VIT: variants seen among roughly 807,000 people sequenced by gnomAD.
The protein encoded by VIT is vitrin.
Under a neutral mutation model 78.0 loss-of-function variants are expected in VIT, and 99 were observed. The ratio of observed to expected loss-of-function variants is 1.27; its 90% CI spans 1.08 to 1.50. The LOEUF (loss-of-function observed/expected upper bound fraction) is 1.50. Ranked by LOEUF, VIT falls within the 40% of genes most tolerant of loss-of-function variation. The pLI, the probability that VIT is intolerant of heterozygous loss-of-function variation, is 0.00. For missense variants in VIT, 1,126 were observed against 875.3 expected (o/e 1.29, Z -3.61); for synonymous variants, 374 against 334.3 (o/e 1.12, Z -1.29).
rs1013648620 is a variant in VIT, at chr2:36,715,546, T to TA, written c.-18-795dup. Among the ~76,000 whole-genome samples the TA allele has an allele frequency of 7.2e-4, 97 of 134,680 alleles. 1 individual carries two copies. The highest frequency in any genetic ancestry group is 3.6e-3 in the Middle Eastern group (1 of 274). The allele number at this position is 134,680 out of a possible 152,430, so 88.4% of individuals were successfully genotyped here. On this transcript the variant is annotated intron_variant, in intron 1 of 15. Coordinates refer to ENST00000379242, the MANE Select transcript of VIT (RefSeq NM_053276.4). ...GTGAGACTACGTCTAAAAAAAAAAA[T>TA]AAAAAAAAAAAAGATTTAAGAAGCC... is the stretch of plus-strand genomic sequence containing the variant.
At chr2:36,701,242 T>C (rs917159324) in intron 1 of VIT, among the ~76,000 whole-genome samples, 5 of 152,128 alleles carry the variant, frequency 3.3e-5, no homozygotes, top group Admixed American at 1.3e-4. Flanking sequence ...GATAATCTCC[T>C]TTTTGGGTGG....
chr2:36,751,255 G>T (rs1558538768), intron 4 of VIT, among the ~76,000 whole-genome samples: 1 of 152,200 alleles, frequency 6.6e-6, no homozygotes, highest in Non-Finnish European at 1.5e-5. Context: ...AATCAGCTGG[G>T]TGTGGTGGTG....
chr2:36,796,373 C>T (rs979317200), intron 12 of VIT, among the ~76,000 whole-genome samples: 1 of 152,162 alleles, frequency 6.6e-6, no homozygotes, highest in Non-Finnish European at 1.5e-5. Context: ...AGGAACCAAA[C>T]CTTGTATTTC....
At chr2:36,757,594 C>A (rs1008824749) in intron 5 of VIT, among the ~76,000 whole-genome samples, 9 of 152,230 alleles carry the variant, frequency 5.9e-5, no homozygotes, top group African/African-American at 1.9e-4. Context: ...TCATTTGGAG[C>A]AGGCCTTGAC....
At chr2:36,761,795 C>T (rs942181635) in intron 6 of VIT, among the ~76,000 whole-genome samples, 2 of 151,996 alleles carry the variant, frequency 1.3e-5, no homozygotes, top group African/African-American at 4.8e-5. Context: ...AGCTTTGGGC[C>T]GTATCTGGAC....
At chr2:36,701,327 C>T (rs1299809697) in intron 1 of VIT, among the ~76,000 whole-genome samples, 2 of 152,104 alleles carry the variant, frequency 1.3e-5, no homozygotes, top group African/African-American at 4.8e-5. Flanking sequence ...TCATGAAACC[C>T]TCTGTGTAGC....
At chr2:36,808,286 T>C (rs1226796028) in intron 14 of VIT, among the ~76,000 whole-genome samples, 186 bp from the exon 15 acceptor site, 1 of 152,210 alleles carries the variant, frequency 6.6e-6, no homozygotes, top group South Asian at 2.1e-4. Flanking sequence ...AGTCCAGCGA[T>C]AACCCGGGGG....
intron 1 of VIT, among the ~76,000 whole-genome samples, chr2:36,708,754 C>A (rs1311387108): frequency 6.6e-6 from 1 of 152,184 alleles, no homozygotes; most frequent in Admixed American, 6.5e-5. Context: ...CCAGTCCCCA[C>A]GTTTCAGGCG....
chr2:36,754,573 A>C (rs1241095872), intron 4 of VIT, among the ~76,000 whole-genome samples: 1 of 152,224 alleles, frequency 6.6e-6, no homozygotes, highest in Non-Finnish European at 1.5e-5. Context: ...CTGTGCCATC[A>C]CAAAACCAAA....
chr2:36,747,201 A>C (rs956712185), intron 4 of VIT, among the ~76,000 whole-genome samples: 8 of 152,064 alleles, frequency 5.3e-5, no homozygotes, highest in African/African-American at 1.9e-4. Flanking sequence ...ATTTATTGAG[A>C]CTTGCTTTAT....
intron 1 of VIT, among the ~76,000 whole-genome samples, chr2:36,715,903 A>T (rs527362674): frequency 6.6e-6 from 1 of 152,324 alleles, no homozygotes; most frequent in South Asian, 2.1e-4. Context: ...ATTGTTTTTT[A>T]ATTCAATTTT....
At chr2:36,759,421 A>T in intron 6 of VIT, 3 of 1,298,236 alleles carry the variant, frequency 2.3e-6, no homozygotes, top group Non-Finnish European at 2.9e-6. Flanking sequence ...AAATGAAGAG[A>T]AGCAAAGAGA....
At chr2:36,724,919 A>G (rs1476447690) in intron 2 of VIT, among the ~76,000 whole-genome samples, 2 of 152,164 alleles carry the variant, frequency 1.3e-5, no homozygotes, top group African/African-American at 4.8e-5. Flanking sequence ...TTTTCTTTCT[A>G]TGTATGTATT....
intron 13 of VIT, among the ~76,000 whole-genome samples, chr2:36,803,635 G>C (rs970512555): frequency 5.3e-5 from 8 of 152,236 alleles, no homozygotes; most frequent in Admixed American, 3.3e-4. Flanking sequence ...TGTGCAGCCA[G>C]TTCACATGGG....
At chr2:36,730,565 A>G (rs1047463563) in intron 3 of VIT, among the ~76,000 whole-genome samples, 5 of 152,128 alleles carry the variant, frequency 3.3e-5, no homozygotes, top group African/African-American at 1.2e-4. Context: ...CTTCTCAGTC[A>G]TTTTGCAAGC....
chr2:36,801,314 A>G lies in VIT; in HGVS notation c.1072A>G (p.Thr358Ala), dbSNP rs1207606522. 6.2e-7 allele frequency: 1 copy of G among 1,614,050 alleles called. No homozygotes were observed. Among genetic ancestry groups the G allele is most frequent in the Non-Finnish European group, 8.5e-7 (1 of 1,179,948 alleles). ...GVVQYGDNPA[T>A]HFNLKTHTNS... is the part of the protein sequence containing the mutation. ...CTGACTCTTCAGAGACAACCCTGCT[A>G]CTCACTTTAACCTCAAGACACACAC... is the stretch of plus-strand genomic sequence containing the variant. The change falls in exon 13 of 16, where the codon ACT becomes GCT. Residue 358 changes from threonine (T) to alanine (A), a missense_variant. Coordinates refer to ENST00000379242, the MANE Select transcript of VIT (RefSeq NM_053276.4).
chr2:36,798,478 C>T (rs1666068154), intron 12 of VIT, among the ~76,000 whole-genome samples: 1 of 152,176 alleles, frequency 6.6e-6, no homozygotes, highest in Admixed American at 6.5e-5. Flanking sequence ...TAAACCCAGC[C>T]ACGTACAGTG....
intron 2 of VIT, among the ~76,000 whole-genome samples, chr2:36,721,503 C>T (rs1423447524): frequency 6.6e-6 from 1 of 152,134 alleles, no homozygotes; most frequent in African/African-American, 2.4e-5. Flanking sequence ...ACCTCATTTT[C>T]CACCATACCC....
intron 5 of VIT, 115 bp from the exon 6 acceptor site, chr2:36,758,852 CTG>C: frequency 1.1e-6 from 1 of 898,856 alleles, no homozygotes; most frequent in South Asian, 1.6e-5. Context: ...ATGAGGGAGA[CTG>C]ATTTTATTGA....
Sources: gnomAD v4.1 joint callset for allele counts (sites outside exome capture counted in the v4.1 genomes callset) on GRCh38, gnomAD v4.1.1 for gene constraint, MANE v1.5 for transcripts, NCBI Gene and HGNC (gene_info 2026-07-23, HGNC 2026-07-21) for gene names.